TASP1: variants seen among roughly 807,000 people sequenced by gnomAD.
TASP1 encodes the protein taspase 1, also known as threonine aspartase 1.
Under a neutral mutation model 56.6 loss-of-function variants are expected in TASP1, and 16 were observed. The ratio of observed to expected loss-of-function variants is 0.28; its 90% CI spans 0.19 to 0.43. The LOEUF (loss-of-function observed/expected upper bound fraction) is 0.43, where lower values mean the gene tolerates loss of function less well. Ranked by LOEUF, TASP1 falls within the 20% of genes least tolerant of loss-of-function variation. The pLI is 1.00. For synonymous variants in TASP1, 179 were observed against 184.2 expected, an observed-to-expected ratio of 0.97 and a Z score of 0.23; for missense variants, 393 against 511.6, an observed-to-expected ratio of 0.77 and a Z score of 2.24.
At chr20:13,562,901 A>G (rs1275829925) in intron 7 of TASP1, among the ~76,000 whole-genome samples, 3 of 122,972 alleles carry the variant, frequency 2.4e-5, no homozygotes, top group Non-Finnish European at 4.9e-5. Context: ...TTATATCTCT[A>G]TATACATATA....
At chr20:13,626,195 C>T (rs374909410) in intron 2 of TASP1, among the ~76,000 whole-genome samples, 9 of 152,100 alleles carry the variant, frequency 5.9e-5, no homozygotes, top group East Asian at 1.9e-4. Context: ...GAGGCTGAGG[C>T]GGGAGGATCA....
chr20:13,548,819 C>G (rs952131292), intron 8 of TASP1, among the ~76,000 whole-genome samples: 36 of 152,116 alleles, frequency 2.4e-4, no homozygotes, highest in African/African-American at 7.7e-4. Context: ...TTAGGAAGAA[C>G]AAGCAATGAT....
the TASP1 span, among the ~76,000 whole-genome samples, chr20:13,248,288 G>A: frequency 5.9e-5 from 9 of 152,190 alleles, no homozygotes; most frequent in African/African-American, 2.2e-4. Context: ...CCAGCAGCAG[G>A]TGAGTATACA....
intron 13 of TASP1, among the ~76,000 whole-genome samples, chr20:13,412,349 G>C (rs1179774050): frequency 6.6e-6 from 1 of 152,168 alleles, no homozygotes; most frequent in African/African-American, 2.4e-5. Flanking sequence ...AGAGGTTTTT[G>C]TCTCCTAGGA....
chr20:13,268,114 G>GTCTCC, the TASP1 span, among the ~76,000 whole-genome samples: 1 of 140,392 alleles, frequency 7.1e-6, no homozygotes, highest in Non-Finnish European at 1.5e-5. Context: ...CTCCTCTCCT[G>GTCTCC]TCTTCTCTTC....
At chr20:13,497,251 C>G (rs1393546906) in intron 10 of TASP1, among the ~76,000 whole-genome samples, 1 of 152,154 alleles carries the variant, frequency 6.6e-6, no homozygotes, top group African/African-American at 2.4e-5. Context: ...GAAGAGCCAA[C>G]CTGGATGCAG....
chr20:13,344,303 T>A, the TASP1 span, among the ~76,000 whole-genome samples: 1 of 151,954 alleles, frequency 6.6e-6, no homozygotes, highest in Non-Finnish European at 1.5e-5. Flanking sequence ...ACACACACCC[T>A]CCTGCCTGGA....
chr20:13,395,816 C>G (rs2041513316), intron 13 of TASP1, among the ~76,000 whole-genome samples: 1 of 151,998 alleles, frequency 6.6e-6, no homozygotes, highest in Admixed American at 6.6e-5. Context: ...ATTCTCCTGC[C>G]TCAGTCTCCT....
At chr20:13,512,832 T>C (rs937037013) in intron 10 of TASP1, among the ~76,000 whole-genome samples, 2 of 152,232 alleles carry the variant, frequency 1.3e-5, no homozygotes, top group Non-Finnish European at 2.9e-5. Flanking sequence ...CTAGCCAGTT[T>C]TCCCGGCACC....
Position 13,500,026 on chromosome 20 carries a change from G to A in TASP1, c.875-16689C>T, listed in dbSNP as rs74434334. On this transcript the variant is annotated intron_variant, in intron 10 of 13. Coordinates refer to ENST00000337743, the MANE Select transcript of TASP1 (RefSeq NM_017714.3). ...TAAGGGTTGAAAAATTACCTACTGGGTAGAGTGTTCACAATTTGAGTGATG... is the reference window on the plus strand; with the variant it reads ...TAAGGGTTGAAAAATTACCTACTGGATAGAGTGTTCACAATTTGAGTGATG... Among the ~76,000 whole-genome samples the A allele has an allele frequency of 1.2e-3, 176 of 151,770 alleles. 3 individuals are homozygous for A. In the East Asian group the frequency reaches 0.031, roughly 27 times the overall value.
the TASP1 span, among the ~76,000 whole-genome samples, chr20:13,348,861 C>T: frequency 6.6e-6 from 1 of 152,102 alleles, no homozygotes; most frequent in African/African-American, 2.4e-5. Flanking sequence ...TTCCTTAGTA[C>T]AGTTCTGGAT....
chr20:13,515,584 C>CCATTCAGA (rs1231968490), intron 10 of TASP1, among the ~76,000 whole-genome samples: 1 of 149,642 alleles, frequency 6.7e-6, no homozygotes, highest in Non-Finnish European at 1.5e-5. Flanking sequence ...TGAGAATACA[C>CCATTCAGA]CATTCAGATT....
At chr20:13,338,916 C>A in the TASP1 span, among the ~76,000 whole-genome samples, 2 of 152,174 alleles carry the variant, frequency 1.3e-5, no homozygotes, top group Admixed American at 6.5e-5. Context: ...CACCTACACA[C>A]AAACACACAT....
At chr20:13,317,578 T>C in the TASP1 span, among the ~76,000 whole-genome samples, 1 of 152,070 alleles carries the variant, frequency 6.6e-6, no homozygotes, top group African/African-American at 2.4e-5. Flanking sequence ...AGTGTAGTAC[T>C]GACAAAAGAA....
chr20:13,532,686 G>A (rs1568553134), intron 9 of TASP1, among the ~76,000 whole-genome samples: 2 of 152,112 alleles, frequency 1.3e-5, no homozygotes, highest in African/African-American at 2.4e-5. Context: ...TGCTAACATA[G>A]TCCAGAACTA....
At chr20:13,347,624 A>T in the TASP1 span, among the ~76,000 whole-genome samples, 1 of 152,194 alleles carries the variant, frequency 6.6e-6, no homozygotes, top group Non-Finnish European at 1.5e-5. Context: ...GGATCACTTG[A>T]GGTCAGGAGT....
the TASP1 span, among the ~76,000 whole-genome samples, chr20:13,218,222 GC>G: frequency 1.3e-5 from 2 of 149,926 alleles, no homozygotes; most frequent in East Asian, 4.0e-4. Context: ...CTACACTCCA[GC>G]CTGGGTGACA....
At chr20:13,346,552 C>G in the TASP1 span, among the ~76,000 whole-genome samples, 1 of 152,230 alleles carries the variant, frequency 6.6e-6, no homozygotes, top group Non-Finnish European at 1.5e-5. Flanking sequence ...GCCCACAGCA[C>G]TATGCTAGCA....
chr20:13,229,761 A>G, the TASP1 span, among the ~76,000 whole-genome samples: 1 of 152,226 alleles, frequency 6.6e-6, no homozygotes, highest in East Asian at 1.9e-4. Context: ...TAGAGATCTC[A>G]CTTTCCTTTT....
Sources: gnomAD v4.1 joint callset for allele counts (sites outside exome capture counted in the v4.1 genomes callset) on GRCh38, gnomAD v4.1.1 for gene constraint, MANE v1.5 for transcripts, NCBI Gene and HGNC (gene_info 2026-07-23, HGNC 2026-07-21) for gene names.